EEF2K: variants seen among roughly 807,000 people sequenced by gnomAD.
EEF2K encodes the protein eukaryotic elongation factor 2 kinase, also known as alternative protein EEF2K.
A neutral mutation model predicts 93.8 loss-of-function variants in EEF2K; 70 were observed. The ratio of observed to expected loss-of-function variants is 0.75; its 90% CI spans 0.62 to 0.91. EEF2K has a LOEUF of 0.91. Among genes scored for constraint, EEF2K ranks in the 40% least tolerant of loss-of-function variants. The pLI is 0.00. For synonymous variants in EEF2K, 376 were observed against 380.8 expected (o/e 0.99, Z 0.15); for missense variants, 935 against 972.9 (o/e 0.96, Z 0.52).
chr16:22,268,826 A>C (rs757391742), intron 15 of EEF2K, among the ~76,000 whole-genome samples: 12 of 151,716 alleles, frequency 7.9e-5, no homozygotes, highest in Non-Finnish European at 1.8e-4. Flanking sequence ...GTGTGGTGGC[A>C]TGCGCCTGTA....
intron 2 of EEF2K, among the ~76,000 whole-genome samples, chr16:22,242,914 C>A (rs552536315): frequency 1.3e-5 from 2 of 152,004 alleles, no homozygotes; most frequent in African/African-American, 2.4e-5. Flanking sequence ...TATGGTGAGA[C>A]CCTGTCCCTA....
rs1239723230 is a variant in EEF2K at position 22,287,187 on chromosome 16, A to G, written c.*3191A>G. On this transcript the variant is annotated 3_prime_UTR_variant, in exon 18 of 18. Coordinates refer to ENST00000263026, the MANE Select transcript of EEF2K (RefSeq NM_013302.5). ...AGGCTGAGGCAGGAGAATCGCTTGAACCCAGGAGGCAGAGGTTGCAGTGAG... is the reference window on the plus strand; with the variant it reads ...AGGCTGAGGCAGGAGAATCGCTTGAGCCCAGGAGGCAGAGGTTGCAGTGAG... 6.6e-6 allele frequency: 1 copy of G among 152,320 alleles called. No individual in the cohort carries two copies. Among genetic ancestry groups the G allele is most frequent in the African/African-American group, 2.4e-5 (1 of 41,424 alleles). The allele number at this position is 152,320 out of a possible 1,614,324, so 9.4% of individuals were successfully genotyped here.
At chr16:22,258,850 T>C in intron 10 of EEF2K, 155 bp downstream of exon 10, 1 of 895,978 alleles carries the variant, frequency 1.1e-6, no homozygotes, top group Non-Finnish European at 1.7e-6. Context: ...GAGTGAACTT[T>C]CAAAACAGAT....
chr16:22,254,620 A>G (rs2047382151), intron 6 of EEF2K, among the ~76,000 whole-genome samples: 1 of 152,320 alleles, frequency 6.6e-6, no homozygotes, highest in South Asian at 2.1e-4. Flanking sequence ...TGCACTATTT[A>G]TACATTTTCT....
intron 2 of EEF2K, among the ~76,000 whole-genome samples, chr16:22,242,587 C>T (rs886528784): frequency 6.6e-6 from 1 of 151,834 alleles, no homozygotes; most frequent in South Asian, 2.1e-4. Context: ...GCTGGGATTA[C>T]AGGCGTGAGC....
chr16:22,281,553 A>G (rs1201284293), intron 17 of EEF2K, among the ~76,000 whole-genome samples: 1 of 152,212 alleles, frequency 6.6e-6, no homozygotes, highest in East Asian at 1.9e-4. Context: ...AGTGGGTTTT[A>G]GTATAGTCAT....
chr16:22,254,102 A>ATAG (rs752817538), intron 6 of EEF2K, among the ~76,000 whole-genome samples: 51 of 151,110 alleles, frequency 3.4e-4, no homozygotes, highest in Admixed American at 1.5e-3. Context: ...CCATCCCCAA[A>ATAG]TAGTAGTAGT....
intron 2 of EEF2K, among the ~76,000 whole-genome samples, chr16:22,226,517 CTTTT>C (rs553013823): frequency 9.4e-6 from 1 of 106,896 alleles, no homozygotes; most frequent in African/African-American, 4.2e-5. Context: ...CCTTCTTCTT[CTTTT>C]TTTTTTTTTT....
intron 17 of EEF2K, among the ~76,000 whole-genome samples, chr16:22,282,476 T>A (rs138338861): frequency 8.5e-5 from 13 of 152,322 alleles, no homozygotes; most frequent in African/African-American, 2.9e-4. Context: ...GAACGTCCCC[T>A]CCAAGTCTCA....
At chr16:22,220,921 T>C (rs1454278587) in intron 1 of EEF2K, among the ~76,000 whole-genome samples, 1 of 152,192 alleles carries the variant, frequency 6.6e-6, no homozygotes, top group Non-Finnish European at 1.5e-5. Flanking sequence ...GGCCAAGGGC[T>C]GACCAGGGCA....
intron 2 of EEF2K, 116 bp from the exon 3 acceptor site, chr16:22,244,514 C>G (rs935609756): frequency 4.2e-6 from 4 of 950,924 alleles, no homozygotes; most frequent in Non-Finnish European, 6.5e-6. Flanking sequence ...GAGTCTCTCT[C>G]TGTCCTGATA....
At position 22,280,260 on chromosome 16, in the gene EEF2K, A is replaced by C; in HGVS notation, c.1952A>C (p.Asp651Ala). Reference protein sequence around the residue: ...YNTALEMTDCDEGGEYDGMQD... With the variant: ...YNTALEMTDCAEGGEYDGMQD... ...ACTGCCCTGGAGATGACGGACTGTG[A>C]TGAGGGCGGTGAGTACGACGGAATG... is the stretch of plus-strand genomic sequence containing the variant. The change falls in exon 17 of 18, where the codon GAT (aspartate) becomes GCT (alanine). Residue 651 changes from aspartate (D) to alanine (A), a missense_variant. By Grantham distance (126) the Asp-to-Ala change is moderately radical (BLOSUM62 -2). Coordinates refer to ENST00000263026, the MANE Select transcript of EEF2K (RefSeq NM_013302.5). 6.2e-7 allele frequency: 1 copy of C among 1,605,398 alleles called. No individual in the cohort carries two copies. Among genetic ancestry groups the C allele is most frequent in the Non-Finnish European group, 8.5e-7 (1 of 1,176,084 alleles).
At chr16:22,229,712 A>T (rs867440119) in intron 2 of EEF2K, among the ~76,000 whole-genome samples, 6 of 152,092 alleles carry the variant, frequency 3.9e-5, no homozygotes, top group South Asian at 2.1e-4. Flanking sequence ...AAAAAAGAAG[A>T]GGGGGAAAGG....
At chr16:22,261,497 C>T (rs2047461594) in intron 11 of EEF2K, among the ~76,000 whole-genome samples, 1 of 151,638 alleles carries the variant, frequency 6.6e-6, no homozygotes, top group South Asian at 2.1e-4. Flanking sequence ...GAAGACCAGC[C>T]TGACCAACAT....
At position 22,266,673 on chromosome 16, in the gene EEF2K, T is replaced by TA; in HGVS notation, c.1576-14dup. On this transcript the variant is annotated splice_polypyrimidine_tract_variant and intron_variant, in intron 14 of 17. Coordinates refer to ENST00000263026, the MANE Select transcript of EEF2K (RefSeq NM_013302.5). ...CCGCCAGACAGCCAGGCCGACACCG[T>TA]AGTCTGTGTGGCAGGTCCATCTGGC... The TA allele has an allele frequency of 6.2e-7, 1 of 1,602,156 alleles. No homozygotes were observed. Among genetic ancestry groups the TA allele is most frequent in the Non-Finnish European group, 8.5e-7 (1 of 1,173,302 alleles).
intron 2 of EEF2K, among the ~76,000 whole-genome samples, chr16:22,239,057 A>G (rs1323839222): frequency 6.6e-6 from 1 of 151,418 alleles, no homozygotes; most frequent in African/African-American, 2.4e-5. Flanking sequence ...CAGGGACATG[A>G]ATGTTAGTAC....
At chr16:22,223,262 G>GT (rs58446693) in intron 1 of EEF2K, among the ~76,000 whole-genome samples, 3,166 of 107,166 alleles carry the variant, frequency 0.03, 44 homozygotes, top group East Asian at 0.046. Context: ...GTTTTTTTCT[G>GT]TTTTTTTTTT....
intron 2 of EEF2K, among the ~76,000 whole-genome samples, chr16:22,235,798 AGTTT>A (rs1010093904): frequency 1.3e-5 from 2 of 148,778 alleles, no homozygotes; most frequent in African/African-American, 5.0e-5. Flanking sequence ...GCGTCTGGCC[AGTTT>A]GTTTGTTTTT....
intron 5 of EEF2K, 49 bp downstream of exon 5, chr16:22,250,740 G>A: frequency 1.2e-6 from 2 of 1,611,840 alleles, no homozygotes; most frequent in South Asian, 1.1e-5. Flanking sequence ...GTCCCCCCAG[G>A]CTCCTAAGAG....
Sources: gnomAD v4.1 joint callset for allele counts (sites outside exome capture counted in the v4.1 genomes callset) on GRCh38, gnomAD v4.1.1 for gene constraint, MANE v1.5 for transcripts, NCBI Gene and HGNC (gene_info 2026-07-23, HGNC 2026-07-21) for gene names.